Variants in IGSF10 observed in about 807,000 individuals in gnomAD.
IGSF10 encodes the protein immunoglobulin superfamily member 10.
Under a neutral mutation model 128.2 loss-of-function variants are expected in IGSF10, and 126 were observed. The observed-to-expected ratio is 0.98, with a 90% CI of 0.85 to 1.14. The LOEUF (loss-of-function observed/expected upper bound fraction) is 1.14, where lower values mean the gene tolerates loss of function less well. IGSF10 is among the 50% of genes most tolerant of loss of function. The pLI is 0.00. For missense variants in IGSF10, 3,295 were observed against 3,149.8 expected (o/e 1.05, Z -1.10); for synonymous variants, 1,185 against 1,146.2 (o/e 1.03, Z -0.68).
chr3:151,545,351 T>C, the IGSF10 span, among the ~76,000 whole-genome samples: 1 of 152,216 alleles, frequency 6.6e-6, no homozygotes, highest in East Asian at 1.9e-4. Flanking sequence ...CAAGGTGCTC[T>C]TCTCATGTAG....
At chr3:151,616,988 A>G in the IGSF10 span, among the ~76,000 whole-genome samples, 1 of 152,198 alleles carries the variant, frequency 6.6e-6, no homozygotes, top group African/African-American at 2.4e-5. Flanking sequence ...AGGCTGCCTG[A>G]AGCCTTTAGG....
the IGSF10 span, among the ~76,000 whole-genome samples, chr3:151,568,288 A>C: frequency 8.5e-5 from 13 of 152,218 alleles, no homozygotes; most frequent in African/African-American, 3.1e-4. Context: ...ACACTGTTTT[A>C]CTGGACAAAG....
the IGSF10 span, among the ~76,000 whole-genome samples, chr3:151,597,160 AC>A: frequency 6.6e-6 from 1 of 152,200 alleles, no homozygotes; most frequent in Non-Finnish European, 1.5e-5. Context: ...ACCTCACTCT[AC>A]AAGTGTTCGA....
chr3:151,483,150 T>C, the IGSF10 span, among the ~76,000 whole-genome samples: 1 of 152,196 alleles, frequency 6.6e-6, no homozygotes, highest in Non-Finnish European at 1.5e-5. Context: ...AAATTTGGAA[T>C]GTGCCAATAT....
At chr3:151,523,087 T>A in the IGSF10 span, among the ~76,000 whole-genome samples, 4 of 151,962 alleles carry the variant, frequency 2.6e-5, no homozygotes, top group Non-Finnish European at 5.9e-5. Flanking sequence ...AAGAATAACA[T>A]ACCTAAGAAT....
At chr3:151,514,661 A>G in the IGSF10 span, among the ~76,000 whole-genome samples, 1 of 152,182 alleles carries the variant, frequency 6.6e-6, no homozygotes, top group Admixed American at 6.5e-5. Flanking sequence ...AAAAGAAACC[A>G]CCGTCAGAGT....
intron 2 of IGSF10, among the ~76,000 whole-genome samples, chr3:151,459,053 G>T (rs1721936423): frequency 6.6e-6 from 1 of 152,250 alleles, no homozygotes; most frequent in East Asian, 1.9e-4. Context: ...ATAGAATTTA[G>T]TTTCCTTTAT....
the IGSF10 span, among the ~76,000 whole-genome samples, chr3:151,605,617 CTT>C: frequency 1.3e-5 from 2 of 152,172 alleles, no homozygotes; most frequent in Non-Finnish European, 2.9e-5. Flanking sequence ...TTTTCAAAAA[CTT>C]AAGTCATTTT....
chr3:151,454,300 G>A (rs943267093), intron 4 of IGSF10, among the ~76,000 whole-genome samples: 6 of 152,118 alleles, frequency 3.9e-5, no homozygotes, highest in African/African-American at 9.7e-5. Context: ...TTACAGGCAC[G>A]AGCCATCATG....
chr3:151,503,272 G>A, the IGSF10 span, among the ~76,000 whole-genome samples: 1 of 151,856 alleles, frequency 6.6e-6, no homozygotes, highest in Non-Finnish European at 1.5e-5. Context: ...GACACCAAGA[G>A]TGAGAACAAG....
At chr3:151,559,920 G>T in the IGSF10 span, among the ~76,000 whole-genome samples, 4 of 152,198 alleles carry the variant, frequency 2.6e-5, no homozygotes, top group Admixed American at 6.5e-5. Context: ...TTCCCCAGTT[G>T]GTCCTTGGGT....
At position 151,448,037 on chromosome 3, in the gene IGSF10, G is replaced by A; in HGVS notation, c.1944C>T (p.Ala648=). The A allele has an allele frequency of 6.2e-7, 1 of 1,614,128 alleles. No individual in the cohort carries two copies. Among genetic ancestry groups the A allele is most frequent in the Non-Finnish European group, 8.5e-7 (1 of 1,180,030 alleles). ...TCAAAAAATCAACCCCTGATGGGTT[G>A]GCTGCCACACAGCGATAATAACCTT... The part of the protein sequence containing the change: ...KDQGYYRCVA[A]NPSGVDFLIF... The change falls in exon 6 of 8, where the codon GCC becomes GCT. Residue 648 remains alanine, a synonymous_variant. Coordinates refer to ENST00000282466, the MANE Select transcript of IGSF10 (RefSeq NM_178822.5).
chr3:151,438,658 C>A, intron 7 of IGSF10, 61 bp from the exon 8 acceptor site: 1 of 1,339,144 alleles, frequency 7.5e-7, no homozygotes, highest in Non-Finnish European at 1.0e-6. Flanking sequence ...AACTGTTTTA[C>A]TCAGGATTGC....
the IGSF10 span, among the ~76,000 whole-genome samples, chr3:151,506,467 C>T: frequency 1.1e-4 from 16 of 152,144 alleles, no homozygotes; most frequent in Non-Finnish European, 1.6e-4. Context: ...AAGGAATTTA[C>T]ATTTATTAAA....
At chr3:151,470,235 C>A in the IGSF10 span, among the ~76,000 whole-genome samples, 11 of 152,256 alleles carry the variant, frequency 7.2e-5, no homozygotes, top group South Asian at 6.2e-4. Flanking sequence ...CTCAGTTTAC[C>A]TTTTACAGCA....
At chr3:151,497,381 G>A in the IGSF10 span, among the ~76,000 whole-genome samples, 1 of 152,254 alleles carries the variant, frequency 6.6e-6, no homozygotes, top group Non-Finnish European at 1.5e-5. Context: ...TCCAGTTTCA[G>A]CTTTCTCCAT....
the IGSF10 span, among the ~76,000 whole-genome samples, chr3:151,485,535 A>G: frequency 6.6e-6 from 1 of 152,176 alleles, no homozygotes; most frequent in African/African-American, 2.4e-5. Flanking sequence ...GAAAAAATGT[A>G]AAGGGCAGCA....
At chr3:151,496,934 G>T in the IGSF10 span, among the ~76,000 whole-genome samples, 1 of 152,280 alleles carries the variant, frequency 6.6e-6, no homozygotes, top group South Asian at 2.1e-4. Flanking sequence ...GGCCAGTGAT[G>T]ATGAGCATTT....
Position 151,445,463 on chromosome 3 carries a change from G to T in IGSF10, c.4518C>A (p.His1506Gln). The change falls in exon 6 of 8, where the codon CAC (histidine) becomes CAA (glutamine). Residue 1506 changes from histidine to glutamine, a missense_variant. Transcript: ENST00000282466. ...GLMTNTVVKL[H>Q]ESSRHNAKPQ... Reference sequence around the variant, plus strand: ...GTTTAGCATTGTGCCTTGAGGATTCGTGCAGCTTGACCACTGTATTTGTCA... The same window carrying T: ...GTTTAGCATTGTGCCTTGAGGATTCTTGCAGCTTGACCACTGTATTTGTCA... The T allele has an allele frequency of 1.9e-6, 3 of 1,614,132 alleles. No individual in the cohort carries two copies. Among genetic ancestry groups the T allele is most frequent in the South Asian group, 1.1e-5 (1 of 91,078 alleles).
Sources: gnomAD v4.1 joint callset for allele counts (sites outside exome capture counted in the v4.1 genomes callset) on GRCh38, gnomAD v4.1.1 for gene constraint, MANE v1.5 for transcripts, NCBI Gene and HGNC (gene_info 2026-07-23, HGNC 2026-07-21) for gene names.